The following PARD3B variants were observed in gnomAD, a reference collection of about 807,000 sequenced individuals.
PARD3B encodes par-3 family cell polarity regulator beta, also known as partitioning defective 3 homolog B.
A neutral mutation model predicts 130.2 loss-of-function variants in PARD3B; 103 were observed. That is an observed-to-expected ratio of 0.79 (90% confidence interval 0.67 to 0.93). The LOEUF (loss-of-function observed/expected upper bound fraction) is 0.93, where lower values mean the gene tolerates loss of function less well. Among genes scored for constraint, PARD3B ranks in the 40% least tolerant of loss-of-function variants. PARD3B has a pLI of 0.00. For missense variants in PARD3B, 1,609 were observed against 1,499.2 expected (o/e 1.07, Z -1.21); for synonymous variants, 583 against 553.2 (o/e 1.05, Z -0.76).
At chr2:205,487,463 T>TA (rs5837972) in intron 20 of PARD3B, among the ~76,000 whole-genome samples, 2 of 151,834 alleles carry the variant, frequency 1.3e-5, no homozygotes, top group African/African-American at 2.4e-5. Flanking sequence ...TCCTCTAAAT[T>TA]AAAAAAAAAT....
At chr2:204,633,402 T>A (rs566439236) in intron 1 of PARD3B, among the ~76,000 whole-genome samples, 5 of 152,338 alleles carry the variant, frequency 3.3e-5, no homozygotes, top group African/African-American at 1.2e-4. Flanking sequence ...TATGTATCGC[T>A]AAAAGATGAG....
intron 11 of PARD3B, among the ~76,000 whole-genome samples, chr2:205,164,698 G>A (rs905365416): frequency 2.0e-5 from 3 of 151,862 alleles, no homozygotes; most frequent in Admixed American, 6.6e-5. Context: ...TAATGAAAAA[G>A]GAAATTATAA....
chr2:205,141,182 C>T (rs780605383), intron 10 of PARD3B, among the ~76,000 whole-genome samples: 9 of 152,118 alleles, frequency 5.9e-5, no homozygotes, highest in Non-Finnish European at 8.8e-5. Flanking sequence ...TAATGTGCAA[C>T]GGTTTTGAAA....
At chr2:204,811,461 A>G (rs545483026) in intron 2 of PARD3B, among the ~76,000 whole-genome samples, 1 of 152,284 alleles carries the variant, frequency 6.6e-6, no homozygotes, top group African/African-American at 2.4e-5. Flanking sequence ...GGGGCAAGTG[A>G]AAGACATAGA....
At chr2:204,579,775 G>T (rs776348746) in intron 1 of PARD3B, among the ~76,000 whole-genome samples, 3 of 152,208 alleles carry the variant, frequency 2.0e-5, no homozygotes, top group Non-Finnish European at 2.9e-5. Context: ...CCTGTGTGGG[G>T]GATGGGGAAG....
intron 18 of PARD3B, among the ~76,000 whole-genome samples, chr2:205,365,480 C>G (rs770917171): frequency 1.1e-4 from 17 of 151,030 alleles, no homozygotes; most frequent in Non-Finnish European, 2.2e-4. Context: ...TTTACAGACA[C>G]AGGCCTGCTG....
At chr2:204,568,865 G>A (rs2031831398) in intron 1 of PARD3B, among the ~76,000 whole-genome samples, 2 of 151,292 alleles carry the variant, frequency 1.3e-5, no homozygotes, top group South Asian at 4.1e-4. Flanking sequence ...TGAGGTAGGG[G>A]AATCAATTGA....
chr2:204,592,037 TG>T (rs1399486097), intron 1 of PARD3B, among the ~76,000 whole-genome samples: 9 of 152,224 alleles, frequency 5.9e-5, no homozygotes. Context: ...TAATCTGAAA[TG>T]GAAGTCAAGG....
chr2:205,516,490 C>G (rs570608948), intron 21 of PARD3B, among the ~76,000 whole-genome samples: 1 of 152,162 alleles, frequency 6.6e-6, no homozygotes, highest in East Asian at 1.9e-4. Context: ...CTTTCACCTC[C>G]CTGGTTAGCT....
At chr2:205,394,189 C>A (rs1200733583) in intron 18 of PARD3B, among the ~76,000 whole-genome samples, 6 of 152,066 alleles carry the variant, frequency 3.9e-5, no homozygotes, top group African/African-American at 1.4e-4. Flanking sequence ...TCACAACCCC[C>A]CTACCTAGGC....
chr2:204,780,948 G>C (rs960103143), intron 2 of PARD3B, among the ~76,000 whole-genome samples: 4 of 152,040 alleles, frequency 2.6e-5, no homozygotes, highest in Non-Finnish European at 5.9e-5. Flanking sequence ...TCTGAATGGG[G>C]GTGACCATCA....
intron 2 of PARD3B, among the ~76,000 whole-genome samples, chr2:204,710,377 T>A (rs1206567639): frequency 6.6e-6 from 1 of 152,246 alleles, no homozygotes; most frequent in Non-Finnish European, 1.5e-5. Flanking sequence ...CATGCAGTGA[T>A]CCCTTGATGT....
At chr2:204,803,257 A>G (rs1559157418) in intron 2 of PARD3B, among the ~76,000 whole-genome samples, 1 of 151,040 alleles carries the variant, frequency 6.6e-6, no homozygotes, top group African/African-American at 2.4e-5. Context: ...TTTCATCAAC[A>G]CCAGACCGGT....
chr2:204,913,442 C>G (rs1000682127), intron 2 of PARD3B, among the ~76,000 whole-genome samples: 2 of 152,202 alleles, frequency 1.3e-5, no homozygotes, highest in African/African-American at 4.8e-5. Context: ...CTTAGAACCA[C>G]AGTTCTCATG....
rs1702468007 is a variant in PARD3B, at chr2:205,097,459, A to G, written c.505-6967A>G. Among the ~76,000 whole-genome samples the G allele has an allele frequency of 3.3e-5, 5 of 152,176 alleles. No homozygotes were observed. The South Asian group carries it at 1.0e-3, about 32-fold the overall frequency. ...TAAAATGGGTGAACTGGCTTCACTCATCAACACCATCCTTCCCGGCTTAGT... is the reference window on the plus strand; with the variant it reads ...TAAAATGGGTGAACTGGCTTCACTCGTCAACACCATCCTTCCCGGCTTAGT... On this transcript the variant is annotated intron_variant, in intron 4 of 22. Transcript: ENST00000406610.
intron 2 of PARD3B, among the ~76,000 whole-genome samples, chr2:204,912,566 A>G (rs1382859660): frequency 6.6e-6 from 1 of 152,154 alleles, no homozygotes; most frequent in Non-Finnish European, 1.5e-5. Flanking sequence ...TTTTAAATGC[A>G]TTTCAAGCAG....
At chr2:205,539,357 A>G (rs2052016414) in intron 21 of PARD3B, among the ~76,000 whole-genome samples, 2 of 152,176 alleles carry the variant, frequency 1.3e-5, no homozygotes, top group South Asian at 2.1e-4. Context: ...ATCTGACAAT[A>G]TATCACTCAT....
At chr2:204,981,969 TTG>T (rs781037017) in intron 3 of PARD3B, among the ~76,000 whole-genome samples, 1 of 151,916 alleles carries the variant, frequency 6.6e-6, no homozygotes, top group African/African-American at 2.4e-5. Flanking sequence ...AATCAAGACA[TTG>T]TGTGTGTGTA....
intron 3 of PARD3B, among the ~76,000 whole-genome samples, chr2:204,974,411 T>C (rs543552061): frequency 4.7e-4 from 72 of 152,182 alleles, no homozygotes; most frequent in Non-Finnish European, 9.0e-4. Context: ...TAAGATAATA[T>C]TTACTAAAAT....
Sources: allele counts gnomAD v4.1 joint callset (sites outside exome capture counted in the v4.1 genomes callset), GRCh38; gene constraint gnomAD v4.1.1; transcripts MANE v1.5; gene names NCBI Gene and HGNC (gene_info 2026-07-23, HGNC 2026-07-21).